PINX1: variants seen among roughly 807,000 people sequenced by gnomAD.
The protein encoded by PINX1 is PIN2 (TERF1) interacting telomerase inhibitor 1.
In PINX1, 34 loss-of-function variants were observed where a neutral mutation model predicts 25.4. The ratio of observed to expected loss-of-function variants is 1.34; its 90% CI spans 1.02 to 1.78. The LOEUF (loss-of-function observed/expected upper bound fraction) is 1.78, where lower values mean the gene tolerates loss of function less well. Among genes scored for constraint, PINX1 ranks in the 40% most tolerant of loss-of-function variants. PINX1 has a pLI of 0.00. For missense variants in PINX1, 592 were observed against 404.9 expected, an observed-to-expected ratio of 1.46 and a Z score of -3.97; for synonymous variants, 197 against 147.7, an observed-to-expected ratio of 1.33 and a Z score of -2.42.
At position 10,778,827 on chromosome 8, in the gene PINX1, AG is replaced by A. The variant is rs201891813; in HGVS notation, c.472-12912del. Among the ~76,000 whole-genome samples, 3 of 152,340 alleles carry A rather than the reference AG, an allele frequency of 2.0e-5. No individual in the cohort carries two copies. The East Asian group carries it at 5.8e-4, about 29-fold the overall frequency. On this transcript the variant is annotated intron_variant, in intron 6 of 6. Transcript: ENST00000314787. ...GAGTAGTTCTCTTGTTAAATCTCAT[AG>A]TTAAATCTTTGTTTTGTCCCAGATT...
chr8:10,777,444 A>G (rs1801428730), intron 6 of PINX1, among the ~76,000 whole-genome samples: 1 of 152,226 alleles, frequency 6.6e-6, no homozygotes, highest in African/African-American at 2.4e-5. Context: ...CTAGAGCGAG[A>G]TAAGACCAGA....
At chr8:10,815,022 C>A (rs1797657395) in intron 6 of PINX1, among the ~76,000 whole-genome samples, 1 of 152,132 alleles carries the variant, frequency 6.6e-6, no homozygotes, top group Admixed American at 6.5e-5. Context: ...TCACTGCAGC[C>A]TCAATCCCCT....
intron 6 of PINX1, among the ~76,000 whole-genome samples, chr8:10,795,856 A>G (rs1314247412): frequency 6.6e-6 from 1 of 150,802 alleles, no homozygotes; most frequent in Non-Finnish European, 1.5e-5. Context: ...AAAAGGCCCT[A>G]TTCACAAATC....
chr8:10,789,679 G>T (rs1368745496), intron 6 of PINX1, among the ~76,000 whole-genome samples: 1 of 152,176 alleles, frequency 6.6e-6, no homozygotes, highest in Non-Finnish European at 1.5e-5. Flanking sequence ...AAAAACGCAA[G>T]CTGCTAAAGA....
intron 6 of PINX1, among the ~76,000 whole-genome samples, chr8:10,795,281 G>A (rs1217525223): frequency 2.0e-5 from 3 of 152,192 alleles, no homozygotes; most frequent in African/African-American, 4.8e-5. Context: ...CAAACAGAGG[G>A]CTTGGCTTGC....
chr8:10,827,523 C>G (rs542143682), intron 4 of PINX1, among the ~76,000 whole-genome samples: 1 of 152,098 alleles, frequency 6.6e-6, no homozygotes, highest in African/African-American at 2.4e-5. Context: ...CAAGTTCAGA[C>G]AGAAGAGTGC....
At chr8:10,768,592 C>A (rs1466900963) in intron 6 of PINX1, among the ~76,000 whole-genome samples, 1 of 152,200 alleles carries the variant, frequency 6.6e-6, no homozygotes, top group African/African-American at 2.4e-5. Context: ...TTCTTCCCAG[C>A]AAAGTGCTGG....
At chr8:10,791,556 G>A (rs948975489) in intron 6 of PINX1, among the ~76,000 whole-genome samples, 4 of 152,214 alleles carry the variant, frequency 2.6e-5, no homozygotes, top group African/African-American at 9.6e-5. Flanking sequence ...GGGGACTGTT[G>A]AAACCTGCTT....
At chr8:10,809,851 T>C (rs1045942710) in intron 6 of PINX1, among the ~76,000 whole-genome samples, 2 of 152,252 alleles carry the variant, frequency 1.3e-5, no homozygotes, top group Admixed American at 1.3e-4. Context: ...TGTTTTTGTA[T>C]TGCTATAAAG....
chr8:10,827,990 C>A (rs1206167411), intron 4 of PINX1, among the ~76,000 whole-genome samples: 1 of 151,994 alleles, frequency 6.6e-6, no homozygotes, highest in Non-Finnish European at 1.5e-5. Context: ...GAAACTCTCA[C>A]CCTGACAGTG....
chr8:10,785,711 A>G (rs1422537283), intron 6 of PINX1, among the ~76,000 whole-genome samples: 1 of 152,218 alleles, frequency 6.6e-6, no homozygotes, highest in Non-Finnish European at 1.5e-5. Context: ...ACAACACTGA[A>G]CTAACTTGTG....
chr8:10,798,020 T>C (rs1802143606), intron 6 of PINX1, among the ~76,000 whole-genome samples: 3 of 152,232 alleles, frequency 2.0e-5, no homozygotes, highest in African/African-American at 7.2e-5. Context: ...AATGAAGTAC[T>C]GAACTGACTT....
chr8:10,784,953 T>G (rs558805134), intron 6 of PINX1, among the ~76,000 whole-genome samples: 36 of 152,312 alleles, frequency 2.4e-4, no homozygotes, highest in Non-Finnish European at 4.7e-4. Flanking sequence ...CTGAGTGAAC[T>G]TCCTAGAGGC....
chr8:10,769,199 C>G (rs1309168463), intron 6 of PINX1, among the ~76,000 whole-genome samples: 1 of 152,130 alleles, frequency 6.6e-6, no homozygotes, highest in African/African-American at 2.4e-5. Flanking sequence ...GTCTCTCTCT[C>G]TTTTTCAAAT....
intron 2 of PINX1, among the ~76,000 whole-genome samples, chr8:10,834,090 G>T (rs80130141): frequency 0.073 from 11,159 of 152,132 alleles, 604 homozygotes; most frequent in Non-Finnish European, 0.12. Flanking sequence ...CTGCAGCAAA[G>T]TGCAAAAAAG....
intron 6 of PINX1, among the ~76,000 whole-genome samples, chr8:10,769,494 G>A (rs755295345): frequency 6.6e-6 from 1 of 152,182 alleles, no homozygotes; most frequent in Non-Finnish European, 1.5e-5. Flanking sequence ...CCAGTTCACA[G>A]AGCCCTGAGA....
At chr8:10,792,075 G>C (rs546300184) in intron 6 of PINX1, among the ~76,000 whole-genome samples, 5 of 152,154 alleles carry the variant, frequency 3.3e-5, no homozygotes, top group African/African-American at 4.8e-5. Context: ...TCTGTATTAC[G>C]ATCAGCTATT....
chr8:10,778,961 T>G (rs1000550299), intron 6 of PINX1, among the ~76,000 whole-genome samples: 2 of 152,200 alleles, frequency 1.3e-5, no homozygotes, highest in Non-Finnish European at 2.9e-5. Flanking sequence ...GACGCTAGCT[T>G]GCAGAGCGCC....
At chr8:10,783,363 G>A (rs189651808) in intron 6 of PINX1, among the ~76,000 whole-genome samples, 224 of 152,324 alleles carry the variant, frequency 1.5e-3, no homozygotes, top group South Asian at 0.011. Context: ...GAAAGGAGAA[G>A]TGTCTGGAGC....
Sources: gnomAD v4.1 joint callset for allele counts (sites outside exome capture counted in the v4.1 genomes callset) on GRCh38, gnomAD v4.1.1 for gene constraint, MANE v1.5 for transcripts, NCBI Gene and HGNC (gene_info 2026-07-23, HGNC 2026-07-21) for gene names.